Variants in CA10 observed in about 807,000 individuals in gnomAD.
The protein encoded by CA10 is carbonic anhydrase-related protein 10.
A neutral mutation model predicts 44.2 loss-of-function variants in CA10; 14 were observed. The ratio of observed to expected loss-of-function variants is 0.32; its 90% confidence interval spans 0.21 to 0.50. The LOEUF (loss-of-function observed/expected upper bound fraction) is 0.50. Ranked by LOEUF, CA10 falls within the 20% of genes least tolerant of loss-of-function variation. The probability of loss-of-function intolerance (pLI) is 0.99; values close to 1 mark genes in which losing one functional copy is unlikely to be tolerated. For missense variants in CA10, 350 were observed against 409.7 expected (o/e 0.85, Z 1.26); for synonymous variants, 159 against 141.6 (o/e 1.12, Z -0.87).
intron 2 of CA10, among the ~76,000 whole-genome samples, chr17:51,939,605 C>T (rs1198002337): frequency 6.6e-6 from 1 of 152,030 alleles, no homozygotes; most frequent in Non-Finnish European, 1.5e-5. Flanking sequence ...TTATTTTTAG[C>T]AATCTACAGG....
intron 4 of CA10, among the ~76,000 whole-genome samples, chr17:51,693,950 A>G (rs947401154): frequency 1.3e-5 from 2 of 152,170 alleles, no homozygotes; most frequent in Non-Finnish European, 2.9e-5. Flanking sequence ...CACACCTGTA[A>G]TTCCAGCACT....
chr17:51,980,645 T>C (rs1429117061), intron 2 of CA10, among the ~76,000 whole-genome samples: 2 of 152,118 alleles, frequency 1.3e-5, no homozygotes, highest in Non-Finnish European at 2.9e-5. Context: ...GTTTTTATAG[T>C]TTTAGATTTT....
intron 4 of CA10, among the ~76,000 whole-genome samples, chr17:51,708,801 T>C (rs1305211591): frequency 3.3e-5 from 5 of 152,208 alleles, no homozygotes. Context: ...GGCTAGATGC[T>C]TCCTGCCCTT....
Position 52,072,309 on chromosome 17 carries a change from GTGTACTTACCTGGAACAA to G in CA10, c.128_136+9del. 1 of 1,559,158 alleles carries G rather than the reference GTGTACTTACCTGGAACAA, an allele frequency of 6.4e-7. No individual in the cohort carries two copies. Among genetic ancestry groups the G allele is most frequent in the Non-Finnish European group, 8.8e-7 (1 of 1,133,064 alleles). On this transcript the variant is annotated splice_donor_variant and splice_donor_5th_base_variant and coding_sequence_variant and intron_variant, in exon 2 of 9. Coordinates refer to ENST00000451037, the MANE Select transcript of CA10 (RefSeq NM_020178.5). LOFTEE classifies it high-confidence loss of function. ...TTAATAAATAAATTAAAGAATTAAT[GTGTACTTACCTGGAACAA>G]AGCTTCCCTGGACCACCTCCTTGTA...
intron 1 of CA10, among the ~76,000 whole-genome samples, chr17:52,106,139 GAA>G (rs1477453205): frequency 6.6e-6 from 1 of 152,188 alleles, no homozygotes; most frequent in Non-Finnish European, 1.5e-5. Flanking sequence ...CGGGTTTAAG[GAA>G]AGTTTTCTAA....
At chr17:51,633,332 C>G in intron 8 of CA10, 144 bp downstream of exon 8, 2 of 802,012 alleles carry the variant, frequency 2.5e-6, no homozygotes. Flanking sequence ...ACCTTCATCA[C>G]CATGCAAATG....
At chr17:52,113,177 C>T (rs1988821652) in intron 1 of CA10, among the ~76,000 whole-genome samples, 1 of 152,186 alleles carries the variant, frequency 6.6e-6, no homozygotes, top group Admixed American at 6.5e-5. Flanking sequence ...CCTAAGAGAG[C>T]TTACAAGTTT....
At chr17:52,130,320 A>G (rs1295390329) in intron 1 of CA10, among the ~76,000 whole-genome samples, 2 of 152,212 alleles carry the variant, frequency 1.3e-5, no homozygotes, top group Non-Finnish European at 2.9e-5. Flanking sequence ...TCCAGAGTAT[A>G]TGGGATCAGA....
chr17:51,750,561 G>A (rs766758938), intron 3 of CA10, among the ~76,000 whole-genome samples: 2 of 151,960 alleles, frequency 1.3e-5, no homozygotes, highest in African/African-American at 4.8e-5. Flanking sequence ...ATCTTTTCAC[G>A]AATCCAGAGA....
At chr17:51,697,081 T>C (rs1254368346) in intron 4 of CA10, among the ~76,000 whole-genome samples, 2 of 142,542 alleles carry the variant, frequency 1.4e-5, no homozygotes, top group East Asian at 3.9e-4. Context: ...TAATGCAACG[T>C]AATGAAAAAA....
At chr17:51,882,845 TA>T (rs532331201) in intron 3 of CA10, among the ~76,000 whole-genome samples, 15 of 152,214 alleles carry the variant, frequency 9.9e-5, no homozygotes, top group Non-Finnish European at 1.9e-4. Context: ...GTTTTCTTTT[TA>T]AAATGTCAGA....
At chr17:51,886,610 C>G (rs1240039699) in intron 3 of CA10, among the ~76,000 whole-genome samples, 1 of 152,150 alleles carries the variant, frequency 6.6e-6, no homozygotes, top group Non-Finnish European at 1.5e-5. Context: ...TTTTATGTGT[C>G]AACATGACTG....
intron 3 of CA10, among the ~76,000 whole-genome samples, chr17:51,899,447 T>A (rs1401062818): frequency 6.6e-6 from 1 of 152,004 alleles, no homozygotes; most frequent in Non-Finnish European, 1.5e-5. Context: ...TTTTTTGAAT[T>A]TGATGATGAT....
intron 1 of CA10, among the ~76,000 whole-genome samples, chr17:52,146,400 A>G (rs758872469): frequency 1.1e-4 from 17 of 152,182 alleles, no homozygotes; most frequent in East Asian, 9.6e-4. Flanking sequence ...TGGTAAAAAA[A>G]TAAAAATAGG....
intron 2 of CA10, among the ~76,000 whole-genome samples, chr17:52,022,328 G>A (rs759165956): frequency 5.3e-5 from 8 of 151,950 alleles, no homozygotes; most frequent in Non-Finnish European, 1.0e-4. Context: ...TGTGATTCAC[G>A]ACATGAACAG....
intron 2 of CA10, among the ~76,000 whole-genome samples, chr17:52,031,933 C>T (rs1986479782): frequency 6.6e-6 from 1 of 152,100 alleles, no homozygotes; most frequent in South Asian, 2.1e-4. Flanking sequence ...AGAATTTTAA[C>T]AGAGGGACCA....
intron 4 of CA10, among the ~76,000 whole-genome samples, chr17:51,660,751 C>T: frequency 6.6e-6 from 1 of 152,216 alleles, no homozygotes; most frequent in Admixed American, 6.5e-5. Context: ...TGCTTAAACA[C>T]CTCAGTGGCT....
intron 1 of CA10, among the ~76,000 whole-genome samples, chr17:52,088,776 T>C (rs529791535): frequency 6.6e-6 from 1 of 152,316 alleles, no homozygotes; most frequent in South Asian, 2.1e-4. Flanking sequence ...TGCCAGCATA[T>C]GATTACAAAA....
chr17:51,937,150 C>T (rs1982898312), intron 2 of CA10, among the ~76,000 whole-genome samples: 2 of 152,134 alleles, frequency 1.3e-5, no homozygotes, highest in Non-Finnish European at 1.5e-5. Flanking sequence ...TAAAACATAT[C>T]TCTAGTGAAT....
Sources: allele counts gnomAD v4.1 joint callset (sites outside exome capture counted in the v4.1 genomes callset), GRCh38; gene constraint gnomAD v4.1.1; transcripts MANE v1.5; gene names NCBI Gene and HGNC (gene_info 2026-07-23, HGNC 2026-07-21).